The following SMTNL2 variants were observed in gnomAD, a reference collection of about 807,000 sequenced individuals.
SMTNL2 encodes smoothelin like 2, also known as smoothelin-like protein 2.
A neutral mutation model predicts 44.1 loss-of-function variants in SMTNL2; 43 were observed. That is an observed-to-expected ratio of 0.98 (90% confidence interval 0.76 to 1.26). The LOEUF (loss-of-function observed/expected upper bound fraction) is 1.26, where lower values mean the gene tolerates loss of function less well. Among genes scored for constraint, SMTNL2 ranks in the 50% most tolerant of loss-of-function variants. The probability of loss-of-function intolerance (pLI) is 0.00; values close to 1 mark genes in which losing one functional copy is unlikely to be tolerated. For missense variants in SMTNL2, 646 were observed against 670.2 expected (o/e 0.96, Z 0.40); for synonymous variants, 317 against 287.6 (o/e 1.10, Z -1.03).
chr17:4,597,377 A>G (rs1909864660), intron 7 of SMTNL2, 54 bp downstream of exon 7: 10 of 1,592,374 alleles, frequency 6.3e-6, no homozygotes, highest in Non-Finnish European at 7.7e-6. Flanking sequence ...CCTGAGCCCA[A>G]CTTCTTCCCC....
chr17:4,596,847 C>G lies in SMTNL2; in HGVS notation c.990-13C>G. The G allele has an allele frequency of 6.9e-7, 1 of 1,440,042 alleles. No individual in the cohort carries two copies. Among genetic ancestry groups the G allele is most frequent in the Non-Finnish European group, 9.1e-7 (1 of 1,096,298 alleles). The allele number at this position is 1,440,042 out of a possible 1,614,324, so 89.2% of individuals were successfully genotyped here. The stretch of plus-strand genomic sequence containing the variant: ...GGAGGGGCCCCCGCAGCAGGCCTGC[C>G]GTCTCTCCGCAGGGGGAAAGGCGAG... On this transcript the variant is annotated splice_polypyrimidine_tract_variant and intron_variant, in intron 5 of 7. Transcript: ENST00000389313.
At chr17:4,594,917 A>G in intron 4 of SMTNL2, 1 of 606,620 alleles carries the variant, frequency 1.6e-6, no homozygotes, top group Non-Finnish European at 2.9e-6. Context: ...TTATGTCCAG[A>G]TCGGGCCCAG....
intron 7 of SMTNL2, among the ~76,000 whole-genome samples, chr17:4,603,224 A>G (rs1910119148): frequency 1.3e-5 from 2 of 152,196 alleles, no homozygotes; most frequent in South Asian, 4.1e-4. Context: ...TGGGTTAGGG[A>G]GTGGCAAGAC....
At chr17:4,585,857 C>T (rs1398500055) in intron 1 of SMTNL2, among the ~76,000 whole-genome samples, 3 of 152,328 alleles carry the variant, frequency 2.0e-5, no homozygotes, top group South Asian at 2.1e-4. Flanking sequence ...TCAGATTTCC[C>T]GCTGTGGGCT....
intron 1 of SMTNL2, among the ~76,000 whole-genome samples, chr17:4,590,218 C>G (rs62066427): frequency 6.6e-6 from 1 of 151,964 alleles, no homozygotes; most frequent in Non-Finnish European, 1.5e-5. Flanking sequence ...CCACCCGCCT[C>G]GGCCTCCCAA....
In SMTNL2 at chr17:4,584,548, G is replaced by A; in HGVS notation, c.-58G>A. On this transcript the variant is annotated 5_prime_UTR_variant, in exon 1 of 8. Coordinates refer to ENST00000389313, the MANE Select transcript of SMTNL2 (RefSeq NM_001114974.2). ...ACGGCCAGTCGCGGCCCGGAGCTGC[G>A]GAGCTCGGATCTTCTCCCCCGTCTG... 5 of 1,213,980 alleles carry A rather than the reference G, an allele frequency of 4.1e-6. No individual in the cohort carries two copies. The highest frequency in any genetic ancestry group is 5.1e-6 in the Non-Finnish European group (5 of 976,294). 75.2% of individuals were successfully genotyped at this position (1,213,980 alleles called of 1,614,324 possible). A position where few individuals can be genotyped will look rare whatever the true frequency, so the allele number is the denominator to read the frequency against.
upstream of SMTNL2, chr17:4,584,237 A>C (rs1909243682): frequency 5.5e-6 from 1 of 182,088 alleles, no homozygotes; most frequent in East Asian, 1.4e-4. Context: ...TGCGGGTGAG[A>C]GTCCCGAGCG....
chr17:4,601,646 C>T (rs1229191165), intron 7 of SMTNL2, among the ~76,000 whole-genome samples: 1 of 151,894 alleles, frequency 6.6e-6, no homozygotes, highest in East Asian at 1.9e-4. Context: ...GCCTCGGCCT[C>T]CCAAGTAGCT....
Position 4,607,301 on chromosome 17 carries a change from G to C in SMTNL2, c.1260-60G>C, listed in dbSNP as rs974573172. 1 of 1,598,202 alleles carries C rather than the reference G, an allele frequency of 6.3e-7. No individual in the cohort carries two copies. Among genetic ancestry groups the C allele is most frequent in the African/African-American group, 1.4e-5 (1 of 74,050 alleles). On this transcript the variant is annotated intron_variant, in intron 7 of 7. Coordinates refer to ENST00000389313, the MANE Select transcript of SMTNL2 (RefSeq NM_001114974.2). The surrounding 1 kb of genome is among the most constrained non-coding windows in gnomAD (Gnocchi z 4.7). ...CCGGGACCGAGACACCGGCCCTGTCGCGGCTGTGGGGCTGGCTGATGGCTG... is the reference window on the plus strand; with the variant it reads ...CCGGGACCGAGACACCGGCCCTGTCCCGGCTGTGGGGCTGGCTGATGGCTG...
upstream of SMTNL2, chr17:4,584,431 G>A (rs1323154592): frequency 1.7e-5 from 10 of 586,338 alleles, no homozygotes; most frequent in Admixed American, 1.4e-4. Flanking sequence ...CTCCAGGGCA[G>A]GGGGGTGTCC....
chr17:4,601,878 T>C (rs1269851467), intron 7 of SMTNL2, among the ~76,000 whole-genome samples: 1 of 152,158 alleles, frequency 6.6e-6, no homozygotes, highest in Non-Finnish European at 1.5e-5. Context: ...TTGTTTTTTT[T>C]TTAATTTAAA....
In SMTNL2 at chr17:4,595,624, G is replaced by A. The variant is rs577958908; in HGVS notation, c.989+297G>A. ...GGCCCCCTGTCCTGTCTCTGGTGCC[G>A]CCAGGCTGCCCTCACACCCACATTC... On this transcript the variant is annotated intron_variant, in intron 5 of 7. Transcript: ENST00000389313. The surrounding 1 kb of genome is among the most constrained non-coding windows in gnomAD (Gnocchi z 5.1). Among the ~76,000 whole-genome samples, 24 of 152,190 alleles carry A rather than the reference G, an allele frequency of 1.6e-4. No homozygotes were observed. Among genetic ancestry groups the A allele is most frequent in the Non-Finnish European group, 3.4e-4 (23 of 68,016 alleles).
chr17:4,593,603 G>A (rs570933004), intron 3 of SMTNL2, among the ~76,000 whole-genome samples: 20 of 152,208 alleles, frequency 1.3e-4, no homozygotes, highest in Non-Finnish European at 2.9e-4. Context: ...GAGCAGGGCG[G>A]GGACAGTTGA....
At chr17:4,590,376 T>C (rs963043737) in intron 1 of SMTNL2, among the ~76,000 whole-genome samples, 1 of 152,104 alleles carries the variant, frequency 6.6e-6, no homozygotes, top group Non-Finnish European at 1.5e-5. Flanking sequence ...GACTGCTCTG[T>C]TGCTTCCTGA....
At position 4,584,645 on chromosome 17, in the gene SMTNL2, C is replaced by T; in HGVS notation, c.40C>T (p.Arg14Cys). 1 of 1,265,970 alleles carries T rather than the reference C, an allele frequency of 7.9e-7. No individual in the cohort carries two copies. The highest frequency in any genetic ancestry group is 9.9e-7 in the Non-Finnish European group (1 of 1,008,164). 78.4% of individuals were successfully genotyped at this position (1,265,970 alleles called of 1,614,324 possible). The change falls in exon 1 of 8, where the codon CGC (arginine) becomes TGC (cysteine). Residue 14 changes from arginine to cysteine, a missense_variant. Transcript: ENST00000389313. Reference sequence around the variant, plus strand: ...CGACGCCCAGGAGGCGCGCACTGTGCGCGAGGCGCTGGGCCGCTACGAGGC... The same window carrying T: ...CGACGCCCAGGAGGCGCGCACTGTGTGCGAGGCGCTGGGCCGCTACGAGGC... ...APDAQEARTV[R>C]EALGRYEAAL...
In SMTNL2 at chr17:4,600,647, C is replaced by T. The variant is rs947108821; in HGVS notation, c.1259+3324C>T. On this transcript the variant is annotated intron_variant, in intron 7 of 7. Transcript: ENST00000389313. This position sits in a 1 kb window ranked among gnomAD's most constrained non-coding sequence, Gnocchi z 4.7. ...GAATGATGCAGTGTTGACAGCACAG[C>T]GAGCTTCCCTTGCCTGACAGGTGTT... 6.6e-6 allele frequency among the ~76,000 whole-genome samples: 1 copy of T among 152,118 alleles called. No individual in the cohort carries two copies. The highest frequency in any genetic ancestry group is 1.9e-4 in the East Asian group (1 of 5,188).
chr17:4,596,452 C>G (rs1405065588), intron 5 of SMTNL2, among the ~76,000 whole-genome samples: 2 of 152,218 alleles, frequency 1.3e-5, no homozygotes, highest in African/African-American at 4.8e-5. Context: ...AAGGAGGCAC[C>G]CCATTAAGAG....
At chr17:4,586,735 G>A (rs1187698660) in intron 1 of SMTNL2, among the ~76,000 whole-genome samples, 1 of 152,180 alleles carries the variant, frequency 6.6e-6, no homozygotes, top group East Asian at 1.9e-4. Flanking sequence ...ATGGTCCAAG[G>A]AGAAAGGAAA....
At chr17:4,605,792 A>G (rs912199120) in intron 7 of SMTNL2, among the ~76,000 whole-genome samples, 4 of 151,852 alleles carry the variant, frequency 2.6e-5, no homozygotes, top group Admixed American at 2.6e-4. Flanking sequence ...CTGCCTGATA[A>G]TGTCAGGCCG....
Sources: gnomAD v4.1 joint callset for allele counts (sites outside exome capture counted in the v4.1 genomes callset) on GRCh38, gnomAD v4.1.1 for gene constraint, Gnocchi (gnomAD v3.1) non-coding constraint, MANE v1.5 for transcripts, NCBI Gene and HGNC (gene_info 2026-07-23, HGNC 2026-07-21) for gene names.